The following VRK2 variants were observed in gnomAD, a reference collection of about 807,000 sequenced individuals.
The protein encoded by VRK2 is serine/threonine-protein kinase VRK2.
VRK2 carries 60 observed loss-of-function variants against 57.6 expected under a neutral mutation model. The ratio of observed to expected loss-of-function variants is 1.04; its 90% confidence interval spans 0.85 to 1.29. The LOEUF (loss-of-function observed/expected upper bound fraction) is 1.29, where lower values mean the gene tolerates loss of function less well. VRK2 is among the 50% of genes most tolerant of loss of function. VRK2 has a pLI of 0.00. For synonymous variants in VRK2, 231 were observed against 199.2 expected, an observed-to-expected ratio of 1.16 and a Z score of -1.35; for missense variants, 705 against 588.1, an observed-to-expected ratio of 1.20 and a Z score of -2.06.
intron 3 of VRK2, among the ~76,000 whole-genome samples, chr2:58,034,926 T>G (rs1383264248): frequency 6.6e-6 from 1 of 152,016 alleles, no homozygotes; most frequent in African/African-American, 2.4e-5. Flanking sequence ...TGCAAACATA[T>G]GATATAGTCC....
At chr2:57,935,459 G>C (rs1232278875) in intron 1 of VRK2, among the ~76,000 whole-genome samples, 1 of 152,090 alleles carries the variant, frequency 6.6e-6, no homozygotes, top group Non-Finnish European at 1.5e-5. Flanking sequence ...TTACAATTCA[G>C]TAGGGTCAAA....
At chr2:58,158,666 T>TAAGTG (rs1684415543) in intron 12 of VRK2, among the ~76,000 whole-genome samples, 1 of 152,180 alleles carries the variant, frequency 6.6e-6, no homozygotes, top group Non-Finnish European at 1.5e-5. Context: ...TTCAGCCAGT[T>TAAGTG]AAGTGGTGAT....
intron 10 of VRK2, among the ~76,000 whole-genome samples, chr2:58,137,463 T>C (rs1022024471): frequency 3.3e-5 from 5 of 151,782 alleles, no homozygotes. Flanking sequence ...CCAGTTTTTG[T>C]TTCTTAGCAC....
intron 9 of VRK2, among the ~76,000 whole-genome samples, chr2:58,133,751 A>G (rs1242216210): frequency 6.6e-6 from 1 of 152,202 alleles, no homozygotes; most frequent in Non-Finnish European, 1.5e-5. Context: ...GAATATTTGC[A>G]TTATACTTAC....
chr2:58,048,547 AT>A (rs780240773), intron 1 of VRK2: 2 of 1,375,092 alleles, frequency 1.5e-6, no homozygotes, highest in Non-Finnish European at 1.9e-6. Flanking sequence ...CACTGTTAAT[AT>A]GTGCTATAGA....
chr2:58,131,667 GTT>G, intron 8 of VRK2, 139 bp from the exon 9 acceptor site: 2 of 1,096,726 alleles, frequency 1.8e-6, no homozygotes, highest in Non-Finnish European at 2.5e-6. Context: ...GGGCGTTTAA[GTT>G]TTATTCCAGC....
At chr2:57,939,713 T>C (rs556411766) in intron 1 of VRK2, among the ~76,000 whole-genome samples, 31 of 152,352 alleles carry the variant, frequency 2.0e-4, no homozygotes, top group African/African-American at 7.0e-4. Flanking sequence ...TTAACAATAA[T>C]ATTGCATTTT....
chr2:58,050,758 A>G (rs983022005), intron 2 of VRK2, among the ~76,000 whole-genome samples: 2 of 152,226 alleles, frequency 1.3e-5, no homozygotes, highest in African/African-American at 4.8e-5. Context: ...ATAAAGGAAT[A>G]TACTTGCATA....
chr2:58,059,687 AATG>A (rs1407003621), intron 2 of VRK2, among the ~76,000 whole-genome samples: 1 of 151,820 alleles, frequency 6.6e-6, no homozygotes, highest in Non-Finnish European at 1.5e-5. Context: ...ATACAGTAGT[AATG>A]ATTATTATAT....
At chr2:58,076,489 A>G (rs1037709451) in intron 2 of VRK2, among the ~76,000 whole-genome samples, 1 of 152,056 alleles carries the variant, frequency 6.6e-6, no homozygotes, top group Non-Finnish European at 1.5e-5. Context: ...CTGAATGCAC[A>G]GTGCTTTTTC....
chr2:57,932,899 T>C (rs1275714211), intron 1 of VRK2, among the ~76,000 whole-genome samples: 4 of 152,216 alleles, frequency 2.6e-5, no homozygotes, highest in Admixed American at 6.5e-5. Flanking sequence ...CTTTCATTTG[T>C]CTCAAGATAA....
At chr2:57,951,025 A>T (rs1390402876) in intron 1 of VRK2, among the ~76,000 whole-genome samples, 2 of 152,098 alleles carry the variant, frequency 1.3e-5, no homozygotes, top group Admixed American at 6.6e-5. Context: ...CCAGGAGGCA[A>T]AGGTTGCAGT....
intron 2 of VRK2, among the ~76,000 whole-genome samples, chr2:58,064,178 A>G (rs1308334291): frequency 1.3e-5 from 2 of 152,166 alleles, no homozygotes; most frequent in African/African-American, 2.4e-5. Context: ...AGAGTATTAC[A>G]TAAATTTAGC....
intron 1 of VRK2, among the ~76,000 whole-genome samples, chr2:57,943,341 G>A (rs1157018124): frequency 2.0e-5 from 3 of 152,146 alleles, no homozygotes; most frequent in Admixed American, 6.5e-5. Context: ...TACTATATTT[G>A]TTGATTTTTA....
chr2:58,155,365 GAGA>G (rs1413693199), intron 12 of VRK2, among the ~76,000 whole-genome samples: 2 of 152,174 alleles, frequency 1.3e-5, no homozygotes, highest in Admixed American at 6.5e-5. Flanking sequence ...GTGCAAGGTG[GAGA>G]AGGTTGGTAG....
At chr2:58,089,912 GAGTC>G (rs1672132946) in intron 7 of VRK2, among the ~76,000 whole-genome samples, 189 bp downstream of exon 7, 1 of 152,154 alleles carries the variant, frequency 6.6e-6, no homozygotes, top group Non-Finnish European at 1.5e-5. Context: ...GAGAAACTGA[GAGTC>G]AGAGGGGTTA....
rs1036717466 is a variant in VRK2 at position 58,020,018 on chromosome 2, A to G, written c.-438-5647A>G. 2.6e-5 allele frequency among the ~76,000 whole-genome samples: 4 copies of G among 152,232 alleles called. No homozygotes were observed. The East Asian group carries it at 7.7e-4, about 29-fold the overall frequency. On this transcript the variant is annotated intron_variant, in intron 1 of 15. Coordinates refer to the VRK2 transcript ENST00000417641. Reference sequence around the variant, plus strand: ...CGAATAAACATATTAAAACATGTAGAAGGTCTACATGGAGAAAATGTTAAA... The same window carrying G: ...CGAATAAACATATTAAAACATGTAGGAGGTCTACATGGAGAAAATGTTAAA...
intron 5 of VRK2, among the ~76,000 whole-genome samples, chr2:58,087,763 C>T (rs577829028): frequency 1.3e-5 from 2 of 152,160 alleles, no homozygotes; most frequent in South Asian, 4.1e-4. Flanking sequence ...CTAAGGCAGG[C>T]GGATCATGAG....
rs774670488 is a variant in VRK2, at chr2:58,131,859, G to A, written c.728G>A (p.Trp243Ter). 5.0e-6 allele frequency: 8 copies of A among 1,614,066 alleles called. No individual in the cohort carries two copies. The highest frequency in any genetic ancestry group is 5.9e-6 in the Non-Finnish European group (7 of 1,179,982). Reference protein sequence around the residue: ...VEILGYCMLRWLCGKLPWEQN... With the variant: ...VEILGYCMLR ...ATCCTCGGCTACTGCATGCTGCGGT[G>A]GTTGTGTGGGAAACTTCCCTGGGAA... is the stretch of plus-strand genomic sequence containing the variant. Residue 243 changes from tryptophan to a stop codon, truncating the protein, a stop_gained, in exon 9 of 13, where the codon TGG (tryptophan) becomes TAG (stop). Transcript: ENST00000340157. LOFTEE classifies it high-confidence loss of function.
Sources: gnomAD v4.1 joint callset for allele counts (sites outside exome capture counted in the v4.1 genomes callset) on GRCh38, gnomAD v4.1.1 for gene constraint, MANE v1.5 for transcripts, NCBI Gene and HGNC (gene_info 2026-07-23, HGNC 2026-07-21) for gene names.